Variants in EYS observed in about 807,000 individuals in gnomAD.
EYS encodes EGF-like photoreceptor maintenance factor.
A neutral mutation model predicts 282.1 loss-of-function variants in EYS; 250 were observed. The ratio of observed to expected loss-of-function variants is 0.89; its 90% CI spans 0.80 to 0.98. The LOEUF (loss-of-function observed/expected upper bound fraction) is 0.98. Ranked by LOEUF, EYS falls within the 50% of genes least tolerant of loss-of-function variation. The pLI is 0.00. For missense variants in EYS, 4,016 were observed against 3,709.0 expected (o/e 1.08, Z -2.15); for synonymous variants, 1,355 against 1,282.9 (o/e 1.06, Z -1.20).
chr6:64,573,898 C>A (rs1003868869), intron 26 of EYS, among the ~76,000 whole-genome samples: 1 of 152,004 alleles, frequency 6.6e-6, no homozygotes, highest in Non-Finnish European at 1.5e-5. Flanking sequence ...ACCAGAAATA[C>A]CATTTGACCC....
intron 36 of EYS, among the ~76,000 whole-genome samples, 168 bp from the exon 37 acceptor site, chr6:63,806,540 C>G (rs1418021714): frequency 6.6e-6 from 1 of 152,202 alleles, no homozygotes; most frequent in Non-Finnish European, 1.5e-5. Context: ...CAGGAAATTT[C>G]AAAACCAGAA....
At chr6:64,069,342 T>G (rs1329308918) in intron 32 of EYS, among the ~76,000 whole-genome samples, 1 of 152,154 alleles carries the variant, frequency 6.6e-6, no homozygotes, top group Non-Finnish European at 1.5e-5. Context: ...TATTGAATTT[T>G]CAGATATTTA....
chr6:65,602,590 A>T (rs1765650049), intron 2 of EYS, among the ~76,000 whole-genome samples: 1 of 151,958 alleles, frequency 6.6e-6, no homozygotes, highest in Non-Finnish European at 1.5e-5. Flanking sequence ...ATAAACAAAA[A>T]CATTCTAAAT....
rs552114425 is a variant in EYS at position 64,784,056 on chromosome 6, C to T, written c.3443+29322G>A. On this transcript the variant is annotated intron_variant, in intron 22 of 42. Transcript: ENST00000503581. ...ATTTTGAAGCTTACCATAAACTTTG[C>T]TTTTAATTGGTTACTATATGTGATT... 5.5e-3 allele frequency among the ~76,000 whole-genome samples: 836 copies of T among 152,170 alleles called. 11 individuals carry two copies. Among genetic ancestry groups the T allele is most frequent in the Non-Finnish European group, 4.8e-3 (327 of 67,972 alleles).
At chr6:65,486,998 T>G (rs1011801560) in intron 5 of EYS, among the ~76,000 whole-genome samples, 1 of 147,836 alleles carries the variant, frequency 6.8e-6, no homozygotes, top group Non-Finnish European at 1.5e-5. Context: ...TATATAGGAA[T>G]GCTTGTGATT....
chr6:63,928,914 C>T (rs865808171), intron 35 of EYS, among the ~76,000 whole-genome samples: 2 of 152,088 alleles, frequency 1.3e-5, no homozygotes, highest in African/African-American at 4.8e-5. Flanking sequence ...AGTCTTTAAA[C>T]GAAGAGTTTC....
intron 22 of EYS, among the ~76,000 whole-genome samples, chr6:64,681,837 G>A (rs1430811190): frequency 6.6e-6 from 1 of 152,190 alleles, no homozygotes; most frequent in Non-Finnish European, 1.5e-5. Context: ...ACTTGCAGAA[G>A]CGAGAACAAA....
At chr6:65,126,546 C>T (rs1454780810) in intron 12 of EYS, among the ~76,000 whole-genome samples, 10 of 152,124 alleles carry the variant, frequency 6.6e-5, no homozygotes, top group Non-Finnish European at 1.0e-4. Flanking sequence ...ATCAGCAACA[C>T]CAGAGGCAGA....
intron 14 of EYS, among the ~76,000 whole-genome samples, chr6:64,988,790 A>G (rs1223990760): frequency 6.6e-6 from 1 of 151,652 alleles, no homozygotes; most frequent in Non-Finnish European, 1.5e-5. Flanking sequence ...CAAAGTTTTC[A>G]TGTAAAAATA....
chr6:65,085,824 C>T (rs1774351198), intron 12 of EYS, among the ~76,000 whole-genome samples: 1 of 151,872 alleles, frequency 6.6e-6, no homozygotes, highest in South Asian at 2.1e-4. Context: ...TTTTCTTTTG[C>T]TATGTCTGCC....
chr6:64,040,164 C>T (rs923526970), intron 33 of EYS, among the ~76,000 whole-genome samples: 2 of 152,106 alleles, frequency 1.3e-5, no homozygotes, highest in African/African-American at 4.8e-5. Context: ...CTCTGCATTT[C>T]CATACCGTGT....
intron 14 of EYS, among the ~76,000 whole-genome samples, chr6:64,950,005 A>G (rs9445444): frequency 2.2e-3 from 339 of 152,032 alleles, no homozygotes; most frequent in African/African-American, 7.8e-3. Context: ...CAGAAGTACC[A>G]CGATTGGCTC....
At chr6:65,194,248 CAAGA>C (rs150610399) in intron 12 of EYS, among the ~76,000 whole-genome samples, 3,691 of 151,874 alleles carry the variant, frequency 0.024, 133 homozygotes, top group African/African-American at 0.079. Flanking sequence ...ATCAAACAAA[CAAGA>C]AAGAAGTTTA....
intron 35 of EYS, among the ~76,000 whole-genome samples, chr6:63,898,340 A>G (rs1300229283): frequency 6.6e-6 from 1 of 151,896 alleles, no homozygotes; most frequent in East Asian, 1.9e-4. Flanking sequence ...TACAAAAAAA[A>G]TTTAGCTGGG....
At position 64,419,958 on chromosome 6, in the gene EYS, C is replaced by A. The variant is rs756643802; in HGVS notation, c.5927+16216G>T. The stretch of plus-strand genomic sequence containing the variant: ...GGGGATTCTGTGCGGGGTCTTTGAC[C>A]CCACATTTCCCTTCTGCACTGCCCT... On this transcript the variant is annotated intron_variant, in intron 28 of 42. Coordinates refer to ENST00000503581, the MANE Select transcript of EYS (RefSeq NM_001142800.2). Among the ~76,000 whole-genome samples the A allele has an allele frequency of 4.6e-5, 7 of 152,198 alleles. 1 individual carries two copies. The highest frequency in any genetic ancestry group is 1.0e-4 in the Non-Finnish European group (7 of 68,022).
intron 19 of EYS, among the ~76,000 whole-genome samples, chr6:64,844,142 C>T (rs552554691): frequency 6.6e-6 from 1 of 152,186 alleles, no homozygotes; most frequent in South Asian, 2.1e-4. Context: ...TCTTCCAAGT[C>T]GCTGGTATGT....
chr6:64,899,182 TC>T (rs1767570436), intron 18 of EYS, among the ~76,000 whole-genome samples: 1 of 152,104 alleles, frequency 6.6e-6, no homozygotes, highest in Non-Finnish European at 1.5e-5. Context: ...TAGCACTTAT[TC>T]TAAAATCGAC....
chr6:64,663,079 C>A (rs1428741458), intron 22 of EYS, among the ~76,000 whole-genome samples: 1 of 151,552 alleles, frequency 6.6e-6, no homozygotes, highest in East Asian at 1.9e-4. Context: ...TTTTAAAAAT[C>A]TGTAAGAGTT....
intron 8 of EYS, among the ~76,000 whole-genome samples, chr6:65,374,727 G>A (rs1015035839): frequency 6.6e-6 from 1 of 152,034 alleles, no homozygotes; most frequent in Non-Finnish European, 1.5e-5. Context: ...TGGGGTATCC[G>A]CCTTTACTGA....
Sources: gnomAD v4.1 joint callset for allele counts (sites outside exome capture counted in the v4.1 genomes callset) on GRCh38, gnomAD v4.1.1 for gene constraint, MANE v1.5 for transcripts, NCBI Gene and HGNC (gene_info 2026-07-23, HGNC 2026-07-21) for gene names.